Variants in PTPRO observed in about 807,000 individuals in gnomAD.
The protein encoded by PTPRO is protein tyrosine phosphatase receptor type O.
Under a neutral mutation model 145.2 loss-of-function variants are expected in PTPRO, and 62 were observed. That is an observed-to-expected ratio of 0.43 (90% CI 0.35 to 0.53). The LOEUF (loss-of-function observed/expected upper bound fraction) is 0.53, where lower values mean the gene tolerates loss of function less well. Among genes scored for constraint, PTPRO ranks in the 20% least tolerant of loss-of-function variants. PTPRO has a pLI of 0.01. For missense variants in PTPRO, 1,345 were observed against 1,482.7 expected (o/e 0.91, Z 1.53); for synonymous variants, 565 against 514.7 (o/e 1.10, Z -1.32).
chr12:15,539,920 T>G (rs908910553), intron 12 of PTPRO, among the ~76,000 whole-genome samples: 3 of 149,690 alleles, frequency 2.0e-5, no homozygotes, highest in Non-Finnish European at 4.5e-5. Flanking sequence ...TTGCCTGAAT[T>G]TTTTTTTTTA....
At chr12:15,340,280 T>G (rs1393028409) in intron 1 of PTPRO, among the ~76,000 whole-genome samples, 1 of 152,184 alleles carries the variant, frequency 6.6e-6, no homozygotes, top group African/African-American at 2.4e-5. Flanking sequence ...TACTACTTTG[T>G]GTGAAAACTA....
At chr12:15,589,391 A>G (rs1944497495) in intron 24 of PTPRO, 64 bp from the exon 25 acceptor site, 2 of 1,598,240 alleles carry the variant, frequency 1.3e-6, no homozygotes, top group Non-Finnish European at 1.7e-6. Flanking sequence ...AAAAAAAAAA[A>G]AGAGGGGGGA....
chr12:15,479,871 C>G (rs142243191), intron 1 of PTPRO, among the ~76,000 whole-genome samples: 74 of 152,292 alleles, frequency 4.9e-4, no homozygotes, highest in African/African-American at 1.8e-3. Context: ...CACCACAGTC[C>G]TGTTCACTGT....
intron 2 of PTPRO, among the ~76,000 whole-genome samples, chr12:15,487,458 T>C (rs1364792392): frequency 6.6e-6 from 1 of 152,230 alleles, no homozygotes; most frequent in Non-Finnish European, 1.5e-5. Context: ...AAGATTTTTC[T>C]GCCCCTCCAC....
At chr12:15,484,836 T>A (rs780290615) in intron 2 of PTPRO, among the ~76,000 whole-genome samples, 2 of 152,148 alleles carry the variant, frequency 1.3e-5, no homozygotes, top group Non-Finnish European at 2.9e-5. Context: ...AAGGCTGACA[T>A]TGGGAAATTT....
chr12:15,432,194 C>T (rs1940459843), intron 1 of PTPRO, among the ~76,000 whole-genome samples: 1 of 152,118 alleles, frequency 6.6e-6, no homozygotes, highest in South Asian at 2.1e-4. Flanking sequence ...CATTGTTCCC[C>T]TCTATGTGTC....
chr12:15,375,539 C>T (rs561867238), intron 1 of PTPRO, among the ~76,000 whole-genome samples: 26 of 151,942 alleles, frequency 1.7e-4, no homozygotes, highest in Non-Finnish European at 3.4e-4. Flanking sequence ...GGGTGGATCA[C>T]GAGGTCAGCA....
chr12:15,445,365 C>G (rs147090056), intron 1 of PTPRO, among the ~76,000 whole-genome samples: 25 of 152,178 alleles, frequency 1.6e-4, no homozygotes, highest in African/African-American at 6.0e-4. Context: ...AATCTAGGGT[C>G]TGTTACTGAG....
chr12:15,440,126 A>G lies in PTPRO; in HGVS notation c.76-43848A>G, dbSNP rs541646726. On this transcript the variant is annotated intron_variant, in intron 1 of 26. Coordinates refer to ENST00000281171, the MANE Select transcript of PTPRO (RefSeq NM_030667.3). ...GCACCTCATCCCTGAGTCCAGGAAC[A>G]TTGGCATCATCTCAGCCCCTGTGCC... 7.5e-4 allele frequency: 487 copies of G among 645,860 alleles called. 12 individuals carry two copies. In the South Asian group the frequency reaches 8.0e-3, roughly 11 times the overall value. The allele number at this position is 645,860 out of a possible 1,614,324, so 40.0% of individuals were successfully genotyped here.
intron 23 of PTPRO, 125 bp downstream of exon 23, chr12:15,581,926 T>G: frequency 7.7e-7 from 1 of 1,299,828 alleles, no homozygotes; most frequent in Non-Finnish European, 1.1e-6. Context: ...AAATATCGAG[T>G]GTGGAGTGGG....
chr12:15,578,645 T>G (rs1196887652), intron 19 of PTPRO, among the ~76,000 whole-genome samples: 5 of 152,164 alleles, frequency 3.3e-5, no homozygotes. Context: ...AACAAGCAAG[T>G]GCATTGAAAG....
At chr12:15,504,118 G>A in intron 6 of PTPRO, 49 bp downstream of exon 6, 1 of 1,535,338 alleles carries the variant, frequency 6.5e-7, no homozygotes, top group East Asian at 2.3e-5. Context: ...CTAGAACAAT[G>A]GAACTGGTGG....
At chr12:15,396,747 G>A (rs1939352639) in intron 1 of PTPRO, among the ~76,000 whole-genome samples, 1 of 152,082 alleles carries the variant, frequency 6.6e-6, no homozygotes, top group African/African-American at 2.4e-5. Flanking sequence ...AAATAAAATG[G>A]AAGTCAAGGA....
intron 1 of PTPRO, among the ~76,000 whole-genome samples, chr12:15,329,569 C>T (rs547935146): frequency 6.6e-6 from 1 of 152,286 alleles, no homozygotes; most frequent in East Asian, 1.9e-4. Flanking sequence ...GATTGAGAAG[C>T]TCCCTTTCTT....
At chr12:15,486,240 T>C (rs1941882885) in intron 2 of PTPRO, among the ~76,000 whole-genome samples, 1 of 152,226 alleles carries the variant, frequency 6.6e-6, no homozygotes, top group African/African-American at 2.4e-5. Flanking sequence ...GCAAAAGCTT[T>C]CAAGATTGCT....
intron 1 of PTPRO, among the ~76,000 whole-genome samples, chr12:15,408,550 CCTGAGTAG>C (rs1207022081): frequency 3.9e-5 from 6 of 152,126 alleles, no homozygotes; most frequent in Non-Finnish European, 7.3e-5. Context: ...GCTTCAGCCT[CCTGAGTAG>C]CTGGGACTAC....
At chr12:15,448,359 A>AAAAAAAAAAAAAAAAAAAAAC (rs1565635339) in intron 1 of PTPRO, among the ~76,000 whole-genome samples, 1 of 149,912 alleles carries the variant, frequency 6.7e-6, no homozygotes, top group Non-Finnish European at 1.5e-5. Flanking sequence ...AAAAAAAAAA[A>AAAAAAAAAAAAAAAAAAAAAC]AGCACCGATT....
At position 15,499,705 on chromosome 12, in the gene PTPRO, A is replaced by C. The variant is rs986765673; in HGVS notation, c.661+111A>C. On this transcript the variant is annotated intron_variant, in intron 4 of 26. Transcript: ENST00000281171. ...CTGATCCAGAGCAAAGAAAGAAAAT[A>C]TATATGTTTAATAACCTAAAACAGA... The C allele has an allele frequency of 2.5e-6, 3 of 1,188,640 alleles. No individual in the cohort carries two copies. The East Asian group carries it at 8.0e-5, about 32-fold the overall frequency. 73.6% of individuals were successfully genotyped at this position (1,188,640 alleles called of 1,614,324 possible). A position where few individuals can be genotyped will look rare whatever the true frequency, so the allele number is the denominator to read the frequency against.
At position 15,501,684 on chromosome 12, in the gene PTPRO, A is replaced by G. The variant is rs1425740477; in HGVS notation, c.726A>G (p.Glu242=). 6.2e-7 allele frequency: 1 copy of G among 1,614,040 alleles called. No homozygotes were observed. The highest frequency in any genetic ancestry group is 1.1e-5 in the South Asian group (1 of 91,082). ...IVNLNKNNWE[E]QSGNFPEESF... is the part of the protein sequence containing the mutation. ...ACTTGAACAAAAACAACTGGGAAGA[A>G]CAGAGTGGCAATTTCCCAGAAGAAT... Residue 242 remains glutamate, a synonymous_variant, in exon 5 of 27, where the codon GAA becomes GAG. Transcript: ENST00000281171.
Sources: gnomAD v4.1 joint callset for allele counts (sites outside exome capture counted in the v4.1 genomes callset) on GRCh38, gnomAD v4.1.1 for gene constraint, MANE v1.5 for transcripts, NCBI Gene and HGNC (gene_info 2026-07-23, HGNC 2026-07-21) for gene names.